The following POLB variants were observed in gnomAD, a reference collection of about 807,000 sequenced individuals.
POLB encodes the protein 5'-dRP lyase.
POLB carries 37 observed loss-of-function variants against 52.7 expected under a neutral mutation model. The observed-to-expected ratio is 0.70, with a 90% CI of 0.54 to 0.92. The LOEUF (loss-of-function observed/expected upper bound fraction) is 0.92, where lower values mean the gene tolerates loss of function less well. POLB is among the 40% of genes least tolerant of loss of function. POLB has a pLI of 0.00. For synonymous variants in POLB, 138 were observed against 131.3 expected (o/e 1.05, Z -0.35); for missense variants, 313 against 400.8 (o/e 0.78, Z 1.87).
intron 3 of POLB, among the ~76,000 whole-genome samples, chr8:42,345,385 G>T (rs1822548295): frequency 6.6e-6 from 1 of 152,112 alleles, no homozygotes; most frequent in Admixed American, 6.5e-5. Context: ...CCAGGTGTAG[G>T]AACCTATGTG....
Position 42,357,221 on chromosome 8 carries a change from CA to C in POLB, c.477del (p.Asp160IlefsTer4). 6.5e-7 allele frequency: 1 copy of C among 1,549,816 alleles called. No homozygotes were observed. The highest frequency in any genetic ancestry group is 8.9e-7 in the Non-Finnish European group (1 of 1,122,592). On this transcript the variant is annotated frameshift_variant and splice_region_variant, in exon 8 of 14. Transcript: ENST00000265421. LOFTEE classifies it high-confidence loss of function. ...TCCTCGTGAAGAGATGTTACAAATG[CA>C]AGTAAGATGTGTCAAATTATATTCT... is the stretch of plus-strand genomic sequence containing the variant. ...RIPREEMLQMQDIVLNEVKKV... is the reference protein window; with the variant it reads ...RIPREEMLQMXDIVLNEVKKV...
intron 10 of POLB, chr8:42,361,598 T>TA (rs1357320922): frequency 2.0e-6 from 1 of 490,036 alleles, no homozygotes; most frequent in African/African-American, 2.0e-5. Context: ...AAACATTGAA[T>TA]ACAATAGTTT....
intron 9 of POLB, among the ~76,000 whole-genome samples, chr8:42,359,515 C>T (rs1363439822): frequency 2.7e-5 from 4 of 148,348 alleles, no homozygotes; most frequent in South Asian, 2.1e-4. Context: ...CCACCACACC[C>T]GGCTAATTTT....
At chr8:42,363,052 A>G (rs566731315) in intron 11 of POLB, among the ~76,000 whole-genome samples, 1 of 151,942 alleles carries the variant, frequency 6.6e-6, no homozygotes, top group Non-Finnish European at 1.5e-5. Flanking sequence ...TGAACCCAGG[A>G]GACGGAGGTG....
At chr8:42,370,258 GGTTTT>G in intron 13 of POLB, 1 of 378,648 alleles carries the variant, frequency 2.6e-6, no homozygotes, top group Non-Finnish European at 4.8e-6. Context: ...CATCTAAAAG[GGTTTT>G]TTTTTTTTTT....
intron 2 of POLB, among the ~76,000 whole-genome samples, chr8:42,343,813 T>C (rs1345167308): frequency 1.3e-5 from 2 of 152,138 alleles, no homozygotes; most frequent in Non-Finnish European, 2.9e-5. Context: ...TATTCTCAAA[T>C]GTGGAGCTTT....
chr8:42,361,540 T>G, intron 10 of POLB, 175 bp downstream of exon 10: 2 of 598,116 alleles, frequency 3.3e-6, no homozygotes, highest in East Asian at 5.6e-5. Context: ...AGGATACCTA[T>G]TATTCTTCCA....
At chr8:42,363,998 C>T (rs1461470461) in intron 11 of POLB, among the ~76,000 whole-genome samples, 1 of 148,000 alleles carries the variant, frequency 6.8e-6, no homozygotes, top group African/African-American at 2.5e-5. Context: ...GCGATCTCGG[C>T]TCACTGTAAC....
intron 2 of POLB, chr8:42,342,474 A>G (rs1223225762): frequency 9.1e-7 from 1 of 1,099,606 alleles, no homozygotes; most frequent in Non-Finnish European, 1.4e-6. Flanking sequence ...TGTTTGTTAT[A>G]TGAACTATCA....
intron 9 of POLB, among the ~76,000 whole-genome samples, chr8:42,359,013 C>G (rs773598401): frequency 1.3e-5 from 2 of 152,102 alleles, no homozygotes; most frequent in Non-Finnish European, 2.9e-5. Flanking sequence ...CTATGACAGC[C>G]TTCCTGGATT....
rs1391004653 is a variant in POLB, at chr8:42,361,350, A to G, written c.606A>G (p.Ser202=). 6.2e-7 allele frequency: 1 copy of G among 1,609,202 alleles called. No individual in the cohort carries two copies. Among genetic ancestry groups the G allele is most frequent in the Non-Finnish European group, 8.5e-7 (1 of 1,175,524 alleles). ...TCCTGACCCATCCCAGCTTCACTTC[A>G]GAATCAACCAAACAGGTGCCTCAGA... ...DVLLTHPSFT[S]ESTKQPKLLH... The change falls in exon 10 of 14, where the codon TCA becomes TCG. Residue 202 remains serine (S), a synonymous_variant. Coordinates refer to ENST00000265421, the MANE Select transcript of POLB (RefSeq NM_002690.3).
chr8:42,362,675 T>C lies in POLB; in HGVS notation c.685T>C (p.Ser229Pro), dbSNP rs1823775495. The change falls in exon 11 of 14, where the codon TCA becomes CCA. Residue 229 changes from serine (S) to proline (P), a missense_variant. By Grantham distance (74) the Ser-to-Pro change is moderately conservative. Transcript: ENST00000265421. ...QKVHFITDTL[S>P]KGETKFMGVC... ...GGTTCATTTTATCACAGATACCCTG[T>C]CAAAGGGTGAGACAAAGTTCATGGT... The C allele has an allele frequency of 6.2e-7, 1 of 1,606,150 alleles. No individual in the cohort carries two copies. Among genetic ancestry groups the C allele is most frequent in the Non-Finnish European group, 8.5e-7 (1 of 1,173,126 alleles).
At chr8:42,369,575 A>G (rs1824250501) in intron 12 of POLB, 3 of 523,584 alleles carry the variant, frequency 5.7e-6, no homozygotes, top group Non-Finnish European at 1.0e-5. Flanking sequence ...CCACAGCTCA[A>G]AAGTCATTTC....
intron 11 of POLB, 37 bp downstream of exon 11, chr8:42,362,735 A>AT: frequency 1.8e-6 from 2 of 1,116,018 alleles, no homozygotes; most frequent in East Asian, 2.4e-5. Context: ...CTAAAAAAAA[A>AT]CTTGGAGACT....
chr8:42,366,435 A>G (rs1398392206), intron 11 of POLB, among the ~76,000 whole-genome samples: 1 of 152,242 alleles, frequency 6.6e-6, no homozygotes, highest in Admixed American at 6.5e-5. Flanking sequence ...TCAGGTGACA[A>G]TAAGAACAAG....
intron 2 of POLB, among the ~76,000 whole-genome samples, chr8:42,343,480 T>C (rs1008330059): frequency 1.4e-5 from 2 of 145,558 alleles, no homozygotes; most frequent in African/African-American, 4.9e-5. Flanking sequence ...TGAGTCAAGA[T>C]GGCGCCACTG....
chr8:42,343,345 A>AAAAAT (rs1554531633), intron 2 of POLB, among the ~76,000 whole-genome samples: 6 of 33,066 alleles, frequency 1.8e-4, no homozygotes, highest in African/African-American at 3.5e-4. Flanking sequence ...AAAAAAAAAA[A>AAAAAT]ATATATATAT....
rs1226014043 is a variant in POLB, at chr8:42,371,558, T to TG, written c.914-4dup. ...TACAATAAGTTTTTCTCTCTGTACT[T>TG]GCAGGAGTTGCAGGAGAACCCCTGC... On this transcript the variant is annotated splice_polypyrimidine_tract_variant and splice_region_variant and intron_variant, in intron 13 of 13. Transcript: ENST00000265421. 6.4e-7 allele frequency: 1 copy of TG among 1,569,340 alleles called. No individual in the cohort carries two copies. Among genetic ancestry groups the TG allele is most frequent in the South Asian group, 1.1e-5 (1 of 90,122 alleles).
chr8:42,357,369 C>T lies in POLB; in HGVS notation c.527C>T (p.Thr176Ile). ...AAAGTGGATTCTGAATACATTGCTA[C>T]AGTCTGTGGCAGTTTCAGAAGAGGT... is the stretch of plus-strand genomic sequence containing the variant. The part of the protein sequence containing the change: ...VKKVDSEYIA[T>I]VCGSFRRGAE... Residue 176 changes from threonine to isoleucine, a missense_variant, in exon 9 of 14, where the codon ACA becomes ATA. Coordinates refer to ENST00000265421, the MANE Select transcript of POLB (RefSeq NM_002690.3). 1 of 1,574,258 alleles carries T rather than the reference C, an allele frequency of 6.4e-7. No individual in the cohort carries two copies. The highest frequency in any genetic ancestry group is 8.7e-7 in the Non-Finnish European group (1 of 1,144,222).
Sources: allele counts gnomAD v4.1 joint callset (sites outside exome capture counted in the v4.1 genomes callset), GRCh38; gene constraint gnomAD v4.1.1; transcripts MANE v1.5; gene names NCBI Gene and HGNC (gene_info 2026-07-23, HGNC 2026-07-21).